The following RUFY2 variants were observed in gnomAD, a reference collection of about 807,000 sequenced individuals.
The protein encoded by RUFY2 is RUN and FYVE domain-containing protein 2.
RUFY2 carries 49 observed loss-of-function variants against 94.4 expected under a neutral mutation model. That is an observed-to-expected ratio of 0.52 (90% CI 0.41 to 0.66). RUFY2 has a LOEUF of 0.66. Among genes scored for constraint, RUFY2 ranks in the 30% least tolerant of loss-of-function variants. The pLI, the probability that RUFY2 is intolerant of heterozygous loss-of-function variation, is 0.00. For synonymous variants in RUFY2, 255 were observed against 235.7 expected, an observed-to-expected ratio of 1.08 and a Z score of -0.75; for missense variants, 541 against 692.8, an observed-to-expected ratio of 0.78 and a Z score of 2.46.
At chr10:68,356,627 A>C (rs2047073290) in intron 15 of RUFY2, among the ~76,000 whole-genome samples, 1 of 151,862 alleles carries the variant, frequency 6.6e-6, no homozygotes, top group South Asian at 2.1e-4. Flanking sequence ...AACTCACTGC[A>C]ACCTCTGCCT....
chr10:68,376,718 TG>T, intron 13 of RUFY2, 134 bp downstream of exon 13: 1 of 758,626 alleles, frequency 1.3e-6, no homozygotes. Context: ...TAAATTTTTT[TG>T]TTTTTTAAAG....
At chr10:68,350,469 GA>G (rs1352716907) in intron 16 of RUFY2, among the ~76,000 whole-genome samples, 2 of 151,338 alleles carry the variant, frequency 1.3e-5, no homozygotes, top group African/African-American at 4.8e-5. Context: ...GCATGGAAAA[GA>G]AAAAAAAGTC....
At chr10:68,378,449 G>A in intron 12 of RUFY2, 1 of 1,316,566 alleles carries the variant, frequency 7.6e-7, no homozygotes, top group Non-Finnish European at 9.7e-7. Context: ...GAAATGTACA[G>A]GGTTCCTAAC....
At chr10:68,398,502 A>T (rs2050572789) in intron 3 of RUFY2, among the ~76,000 whole-genome samples, 1 of 152,044 alleles carries the variant, frequency 6.6e-6, no homozygotes, top group African/African-American at 2.4e-5. Flanking sequence ...AAATACAAAA[A>T]TTAGCCAGGC....
At position 68,364,040 on chromosome 10, in the gene RUFY2, T is replaced by C; in HGVS notation, c.1399A>G (p.Lys467Glu). 1 of 1,611,970 alleles carries C rather than the reference T, an allele frequency of 6.2e-7. No homozygotes were observed. The highest frequency in any genetic ancestry group is 1.1e-5 in the South Asian group (1 of 90,916). Residue 467 changes from lysine to glutamate, a missense_variant, in exon 14 of 18, where the codon AAA becomes GAA. This residue lies in a region of RUFY2 where 403 missense variants were observed against 480.7 expected (regional missense o/e 0.84). Transcript: ENST00000602465. ...QTLQEDLQKE[K>E]DALSHLRNET... ...TTTCTAAGATGAGATAAGGCATCTT[T>C]CTCCTTTTGAAGATCTTCCTGCAAA...
intron 15 of RUFY2, among the ~76,000 whole-genome samples, chr10:68,360,104 C>T (rs1463459481): frequency 1.3e-5 from 2 of 151,966 alleles, no homozygotes; most frequent in African/African-American, 2.4e-5. Context: ...GGATTGCAGG[C>T]GTAGCCACAG....
chr10:68,379,146 TTGTG>T, intron 12 of RUFY2: 2 of 308,864 alleles, frequency 6.5e-6, no homozygotes, highest in Non-Finnish European at 1.2e-5. Flanking sequence ...ACATTTTTAT[TTGTG>T]TATTTGTTTT....
chr10:68,349,742 G>C (rs1050421079), intron 16 of RUFY2, among the ~76,000 whole-genome samples: 1 of 151,922 alleles, frequency 6.6e-6, no homozygotes, highest in Non-Finnish European at 1.5e-5. Flanking sequence ...GTTTCACCGT[G>C]TTAGCCAGGA....
At chr10:68,378,248 T>G (rs908651165) in intron 12 of RUFY2, 5 of 1,046,388 alleles carry the variant, frequency 4.8e-6, no homozygotes, top group Non-Finnish European at 4.6e-6. Flanking sequence ...AAGGTTAAGT[T>G]ATTTTTAAAC....
intron 15 of RUFY2, among the ~76,000 whole-genome samples, chr10:68,356,231 C>CG (rs1371758066): frequency 6.6e-6 from 1 of 151,952 alleles, no homozygotes; most frequent in African/African-American, 2.4e-5. Flanking sequence ...GAGCCAGGCG[C>CG]GGTGGCTCAC....
intron 7 of RUFY2, among the ~76,000 whole-genome samples, chr10:68,388,551 G>C (rs545675746): frequency 6.6e-5 from 10 of 152,096 alleles, no homozygotes; most frequent in Non-Finnish European, 1.0e-4. Flanking sequence ...GAAAAACAAT[G>C]AAAGGCCGGG....
At position 68,369,807 on chromosome 10, in the gene RUFY2, G is replaced by A. The variant is rs150996619; in HGVS notation, c.1326-5694C>T. Reference sequence around the variant, plus strand: ...AAAAATAAAAGCCAGTTTGACTCTCGGTACACCCCTCTTGCCCTGTGATGT... The same window carrying A: ...AAAAATAAAAGCCAGTTTGACTCTCAGTACACCCCTCTTGCCCTGTGATGT... On this transcript the variant is annotated intron_variant, in intron 13 of 17. Coordinates refer to ENST00000602465, the MANE Select transcript of RUFY2 (RefSeq NM_001330103.2). Among the ~76,000 whole-genome samples, 449 of 152,028 alleles carry A rather than the reference G, an allele frequency of 3.0e-3. 1 individual carries two copies. Among genetic ancestry groups the A allele is most frequent in the Non-Finnish European group, 5.0e-3 (343 of 67,960 alleles).
chr10:68,394,689 G>C, intron 4 of RUFY2, among the ~76,000 whole-genome samples: 1 of 151,346 alleles, frequency 6.6e-6, no homozygotes, highest in Non-Finnish European at 1.5e-5. Context: ...GACTGCAGTG[G>C]CACTATCTTG....
intron 1 of RUFY2, 56 bp downstream of exon 1, chr10:68,407,130 C>T: frequency 3.3e-6 from 5 of 1,514,476 alleles, no homozygotes; most frequent in South Asian, 1.2e-5. Flanking sequence ...CGCCTGGCCG[C>T]GGCCCTCAGC....
intron 13 of RUFY2, among the ~76,000 whole-genome samples, chr10:68,372,876 C>T (rs2048375417): frequency 1.3e-5 from 2 of 151,628 alleles, no homozygotes; most frequent in African/African-American, 2.4e-5. Context: ...CCACTGCACT[C>T]CAGCCTGGGT....
chr10:68,351,846 C>T (rs2132321688), intron 16 of RUFY2, among the ~76,000 whole-genome samples: 1 of 151,288 alleles, frequency 6.6e-6, no homozygotes, highest in African/African-American at 2.4e-5. Context: ...CACCTGAGGT[C>T]AGGAGTTCGA....
At chr10:68,375,963 G>A (rs1030878709) in intron 13 of RUFY2, among the ~76,000 whole-genome samples, 1 of 152,012 alleles carries the variant, frequency 6.6e-6, no homozygotes, top group South Asian at 2.1e-4. Flanking sequence ...AGCCAGGTGT[G>A]GTGGCACAAG....
In RUFY2 at chr10:68,393,145, G is replaced by C. The variant is rs749071415; in HGVS notation, c.643C>G (p.Gln215Glu). 6.6e-7 allele frequency: 1 copy of C among 1,513,354 alleles called. No individual in the cohort carries two copies. Among genetic ancestry groups the C allele is most frequent in the Non-Finnish European group, 9.1e-7 (1 of 1,100,488 alleles). The allele number at this position is 1,513,354 out of a possible 1,614,324, so 93.7% of individuals were successfully genotyped here. ...QKNYVEELNR[Q>E]LNSTVSSLHS... The stretch of plus-strand genomic sequence containing the variant: ...AGTATCCATAATACTTACTTCAGTT[G>C]TCTATTTAATTCTTCAACATAATTC... The change falls in exon 7 of 18, where the codon CAA (glutamine) becomes GAA (glutamate). Residue 215 changes from glutamine to glutamate, a missense_variant. Gln to Glu is a conservative substitution (Grantham distance 29). Coordinates refer to ENST00000602465, the MANE Select transcript of RUFY2 (RefSeq NM_001330103.2).
chr10:68,376,450 A>ATG (rs2048658347), intron 13 of RUFY2, among the ~76,000 whole-genome samples: 2 of 15,472 alleles, frequency 1.3e-4, no homozygotes, highest in Non-Finnish European at 3.2e-4. Flanking sequence ...GTGTATATAT[A>ATG]TATATATATA....
Sources: gnomAD v4.1 joint callset for allele counts (sites outside exome capture counted in the v4.1 genomes callset) on GRCh38, gnomAD v4.1.1 for gene constraint, gnomAD v4.1.1 regional missense constraint, MANE v1.5 for transcripts, NCBI Gene and HGNC (gene_info 2026-07-23, HGNC 2026-07-21) for gene names.